AURKC: variants seen among roughly 807,000 people sequenced by gnomAD.
AURKC encodes the protein aurora kinase C, also known as ARK-3.
A neutral mutation model predicts 29.2 loss-of-function variants in AURKC; 15 were observed. The ratio of observed to expected loss-of-function variants is 0.51; its 90% CI spans 0.34 to 0.79. The LOEUF (loss-of-function observed/expected upper bound fraction) is 0.79, where lower values mean the gene tolerates loss of function less well. Among genes scored for constraint, AURKC ranks in the 30% least tolerant of loss-of-function variants. The pLI is 0.01. For missense variants in AURKC, 332 were observed against 383.2 expected (o/e 0.87, Z 1.12); for synonymous variants, 150 against 149.9 (o/e 1.00, Z -0.01).
rs950760556 is a variant in AURKC, at chr19:57,232,763, C to T, written c.435+83C>T. 8 of 1,564,018 alleles carry T rather than the reference C, an allele frequency of 5.1e-6. No homozygotes were observed. Among genetic ancestry groups the T allele is most frequent in the Non-Finnish European group, 7.0e-6 (8 of 1,139,534 alleles). ...CTCTGTTTGTGGCTGTCAGGAGGGT[C>T]CGCATTGCCTTCTGAGAAGTTTACT... On this transcript the variant is annotated intron_variant, in intron 4 of 6. Transcript: ENST00000302804. This position sits in a 1 kb window ranked among gnomAD's most constrained non-coding sequence, Gnocchi z 4.5.
Position 57,232,048 on chromosome 19 carries a change from C to G in AURKC, c.120C>G (p.Val40=). Residue 40 remains valine (V), a synonymous_variant, in exon 3 of 7, where the codon GTC becomes GTG. Transcript: ENST00000302804. The surrounding 1 kb of genome is among the most constrained non-coding windows in gnomAD (Gnocchi z 4.5). Reference sequence around the variant, plus strand: ...CTCCTGTCAGGCGGCGCCTCACAGTCGATGACTTTGAAATCGGGCGTCCCC... The same window carrying G: ...CTCCTGTCAGGCGGCGCCTCACAGTGGATGACTTTGAAATCGGGCGTCCCC... The part of the protein sequence containing the change: ...PSSPAMRRLT[V]DDFEIGRPLG... 6.2e-7 allele frequency: 1 copy of G among 1,614,076 alleles called. No individual in the cohort carries two copies. Among genetic ancestry groups the G allele is most frequent in the Non-Finnish European group, 8.5e-7 (1 of 1,180,022 alleles).
chr19:57,231,739 C>T lies in AURKC; in HGVS notation c.59-3C>T, dbSNP rs751151295. 18 of 1,613,928 alleles carry T rather than the reference C, an allele frequency of 1.1e-5. 1 individual carries two copies. The highest frequency in any genetic ancestry group is 6.6e-5 in the South Asian group (6 of 91,062). ...CTATCTCCCTCCTCCTCCTCTCTTT[C>T]AGTGGCTACAGCAAACCAAACAGCC... On this transcript the variant is annotated splice_region_variant and splice_polypyrimidine_tract_variant and intron_variant, in intron 1 of 6. Coordinates refer to ENST00000302804, the MANE Select transcript of AURKC (RefSeq NM_001015878.2).
Position 57,235,498 on chromosome 19 carries a change from T to C in AURKC, c.*81T>C, listed in dbSNP as rs967658120. On this transcript the variant is annotated 3_prime_UTR_variant, in exon 7 of 7. Coordinates refer to ENST00000302804, the MANE Select transcript of AURKC (RefSeq NM_001015878.2). ...CACCTCATTTGTCTTTATTTTTTTC[T>C]CTTTTAAGATGTAAGATGCTAATTA... is the stretch of plus-strand genomic sequence containing the variant. 7.2e-5 allele frequency: 111 copies of C among 1,538,258 alleles called. No individual in the cohort carries two copies. The highest frequency in any genetic ancestry group is 9.7e-5 in the Non-Finnish European group (109 of 1,118,294).
Position 57,234,936 on chromosome 19 carries a change from G to A in AURKC, c.637G>A (p.Gly213Arg), listed in dbSNP as rs1568484991. The change falls in exon 6 of 7, where the codon GGG (glycine) becomes AGG (arginine). Residue 213 changes from glycine (G) to arginine (R), a missense_variant. By Grantham distance (125) the Gly-to-Arg change is moderately radical. Transcript: ENST00000302804. ...LDYLPPEMIEGRTYDEKVDLW... is the reference protein window; with the variant it reads ...LDYLPPEMIERRTYDEKVDLW... ...CTACTTGCCGCCAGAAATGATTGAG[G>A]GGAGAACATATGATGAAAAGGTGGA... is the stretch of plus-strand genomic sequence containing the variant. 7 of 1,614,182 alleles carry A rather than the reference G, an allele frequency of 4.3e-6. No individual in the cohort carries two copies. The highest frequency in any genetic ancestry group is 5.1e-6 in the Non-Finnish European group (6 of 1,180,034).
rs145703271 is a variant in AURKC, at chr19:57,235,544, T to TAGTTGTGA, written c.*128_*129insGTTGTGAA. 1,192 of 1,130,948 alleles carry TAGTTGTGA rather than the reference T, an allele frequency of 1.1e-3. 8 individuals carry two copies. The African/African-American group carries it at 0.015, about 14-fold the overall frequency. 70.1% of individuals were successfully genotyped at this position (1,130,948 alleles called of 1,614,324 possible). A position where few individuals can be genotyped will look rare whatever the true frequency, so the allele number is the denominator to read the frequency against. On this transcript the variant is annotated 3_prime_UTR_variant, in exon 7 of 7. Coordinates refer to ENST00000302804, the MANE Select transcript of AURKC (RefSeq NM_001015878.2). ...AATTAATAAAAGCTGAATCATTTCA[T>TAGTTGTGA]ACCAGCTCTTCATAGTTGTGTGAGT...
chr19:57,231,197 A>G lies in AURKC; in HGVS notation c.-52A>G, dbSNP rs2087484365. ...CCCTTTCAGGACCCTGTGAACGGGA[A>G]CAGCCATCCAGAGGGTTCAGGAAGG... On this transcript the variant is annotated 5_prime_UTR_variant, in exon 1 of 7. Coordinates refer to ENST00000302804, the MANE Select transcript of AURKC (RefSeq NM_001015878.2). 6.4e-7 allele frequency: 1 copy of G among 1,551,030 alleles called. No individual in the cohort carries two copies. Among genetic ancestry groups the G allele is most frequent in the Non-Finnish European group, 8.7e-7 (1 of 1,146,726 alleles).
At chr19:57,231,681 C>A in intron 1 of AURKC, 61 bp from the exon 2 acceptor site, 1 of 1,590,556 alleles carries the variant, frequency 6.3e-7, no homozygotes, top group South Asian at 1.1e-5. Flanking sequence ...TCCTCTCTTT[C>A]TCTCCCCTTC....
rs778747387 is a variant in AURKC at position 57,235,464 on chromosome 19, T to C, written c.*47T>C. 6.2e-7 allele frequency: 1 copy of C among 1,605,780 alleles called. No homozygotes were observed. The highest frequency in any genetic ancestry group is 8.5e-7 in the Non-Finnish European group (1 of 1,174,402). On this transcript the variant is annotated 3_prime_UTR_variant, in exon 7 of 7. Transcript: ENST00000302804. ...TTTGTGTGTGTTCAGGGAGCTCTCCTGGCTCTGCCACCTCATTTGTCTTTA... is the reference window on the plus strand; with the variant it reads ...TTTGTGTGTGTTCAGGGAGCTCTCCCGGCTCTGCCACCTCATTTGTCTTTA...
At position 57,235,451 on chromosome 19, in the gene AURKC, C is replaced by T; in HGVS notation, c.*34C>T. 1 of 1,612,040 alleles carries T rather than the reference C, an allele frequency of 6.2e-7. No individual in the cohort carries two copies. Among genetic ancestry groups the T allele is most frequent in the South Asian group, 1.1e-5 (1 of 90,988 alleles). ...TGCCTCTGTTCCCTTTGTGTGTGTT[C>T]AGGGAGCTCTCCTGGCTCTGCCACC... is the stretch of plus-strand genomic sequence containing the variant. On this transcript the variant is annotated 3_prime_UTR_variant, in exon 7 of 7. Coordinates refer to ENST00000302804, the MANE Select transcript of AURKC (RefSeq NM_001015878.2).
intron 1 of AURKC, 145 bp from the exon 2 acceptor site, chr19:57,231,597 C>T (rs1318274572): frequency 3.4e-6 from 3 of 891,556 alleles, no homozygotes; most frequent in South Asian, 1.5e-5. Flanking sequence ...CCTGCCTTCC[C>T]CTTCCCTCTC....
chr19:57,233,975 G>T (rs772880743), intron 5 of AURKC, among the ~76,000 whole-genome samples: 1 of 150,656 alleles, frequency 6.6e-6, no homozygotes, highest in Non-Finnish European at 1.5e-5. Context: ...CAGGTGATCC[G>T]CCCACCTTGG....
rs571637997 is a variant in AURKC, at chr19:57,235,204, G to T, written c.760-43G>T. ...AAGAAGAGGGAGGACATTGATCAAAGAAATTAACCAGACTTCTCTTTCTTC... is the reference window on the plus strand; with the variant it reads ...AAGAAGAGGGAGGACATTGATCAAATAAATTAACCAGACTTCTCTTTCTTC... On this transcript the variant is annotated intron_variant, in intron 6 of 6. Coordinates refer to ENST00000302804, the MANE Select transcript of AURKC (RefSeq NM_001015878.2). The T allele has an allele frequency of 1.1e-5, 17 of 1,613,572 alleles. No individual in the cohort carries two copies. The South Asian group carries it at 1.3e-4, about 13-fold the overall frequency.
At position 57,231,767 on chromosome 19, in the gene AURKC, G is replaced by T; in HGVS notation, c.84G>T (p.Gln28His). Residue 28 changes from glutamine (Q) to histidine (H), a missense_variant, in exon 2 of 7, where the codon CAG (glutamine) becomes CAT (histidine). Transcript: ENST00000302804. ...TGGCTACAGCAAACCAAACAGCCCA[G>T]CAGCCCAGCAGCCCAGCCATGTGAG... is the stretch of plus-strand genomic sequence containing the variant. ...EELATANQTA[Q>H]QPSSPAMRRL... 1 of 1,613,048 alleles carries T rather than the reference G, an allele frequency of 6.2e-7. No individual in the cohort carries two copies. Among genetic ancestry groups the T allele is most frequent in the Non-Finnish European group, 8.5e-7 (1 of 1,179,524 alleles).
chr19:57,231,667 C>G, intron 1 of AURKC, 75 bp from the exon 2 acceptor site: 1 of 1,545,300 alleles, frequency 6.5e-7, no homozygotes, highest in Non-Finnish European at 8.9e-7. Flanking sequence ...CTACTGTTCT[C>G]CTCTCCTCTC....
At position 57,231,167 on chromosome 19, in the gene AURKC, C is replaced by T; in HGVS notation, c.-82C>T. 5 of 1,550,474 alleles carry T rather than the reference C, an allele frequency of 3.2e-6. No homozygotes were observed. The highest frequency in any genetic ancestry group is 3.5e-6 in the Non-Finnish European group (4 of 1,146,192). On this transcript the variant is annotated 5_prime_UTR_variant, in exon 1 of 7. Transcript: ENST00000302804. ...AAGCGCCCCGGCCAGAAAGTGACCC[C>T]CCACCCCTTTCAGGACCCTGTGAAC... is the stretch of plus-strand genomic sequence containing the variant.
Position 57,232,203 on chromosome 19 carries a change from T to C in AURKC, c.275T>C (p.Ile92Thr). Residue 92 changes from isoleucine to threonine, a missense_variant, in exon 3 of 7, where the codon ATT becomes ACT. Transcript: ENST00000302804. The surrounding 1 kb of genome is among the most constrained non-coding windows in gnomAD (Gnocchi z 4.5). ...EGLEHQLRRE[I>T]EIQAHLQHPN... ...CTGGAGCACCAGCTGCGCCGGGAAA[T>C]TGAGATCCAGGCTCATCTACAGTAA... 6.2e-7 allele frequency: 1 copy of C among 1,613,966 alleles called. No individual in the cohort carries two copies.
intron 5 of AURKC, 142 bp from the exon 6 acceptor site, chr19:57,234,742 T>C: frequency 1.1e-6 from 1 of 873,180 alleles, no homozygotes; most frequent in Non-Finnish European, 1.8e-6. Flanking sequence ...TATTAAAAAT[T>C]TGTCTCTCCA....
In AURKC at chr19:57,234,936, G is replaced by C. The variant is rs1568484991; in HGVS notation, c.637G>C (p.Gly213Arg). ...CTACTTGCCGCCAGAAATGATTGAG[G>C]GGAGAACATATGATGAAAAGGTGGA... ...LDYLPPEMIEGRTYDEKVDLW... is the reference protein window; with the variant it reads ...LDYLPPEMIERRTYDEKVDLW... Residue 213 changes from glycine to arginine, a missense_variant, in exon 6 of 7, where the codon GGG becomes CGG. By Grantham distance (125) the Gly-to-Arg change is moderately radical. Coordinates refer to ENST00000302804, the MANE Select transcript of AURKC (RefSeq NM_001015878.2). The C allele has an allele frequency of 6.2e-7, 1 of 1,614,064 alleles. No homozygotes were observed. Among genetic ancestry groups the C allele is most frequent in the African/African-American group, 1.3e-5 (1 of 74,922 alleles).
rs141586605 is a variant in AURKC at position 57,233,540 on chromosome 19, G to A, written c.516G>A (p.Leu172=). The A allele has an allele frequency of 2.2e-4, 353 of 1,614,194 alleles. 3 individuals are homozygous for A. In the African/African-American group the frequency reaches 3.6e-3, roughly 16 times the overall value. Residue 172 remains leucine (L), a synonymous_variant, in exon 5 of 7, where the codon CTG becomes CTA. Transcript: ENST00000302804. The part of the protein sequence containing the change: ...VIHRDIKPEN[L]LLGFRGEVKI... Reference sequence around the variant, plus strand: ...ACAGAGATATTAAGCCAGAGAACCTGCTGCTGGGGTTCAGGGGTGAGGTGA... The same window carrying A: ...ACAGAGATATTAAGCCAGAGAACCTACTGCTGGGGTTCAGGGGTGAGGTGA...
Sources: gnomAD v4.1 joint callset for allele counts (sites outside exome capture counted in the v4.1 genomes callset) on GRCh38, gnomAD v4.1.1 for gene constraint, Gnocchi (gnomAD v3.1) non-coding constraint, MANE v1.5 for transcripts, NCBI Gene and HGNC (gene_info 2026-07-23, HGNC 2026-07-21) for gene names.